PIKFYVE: variants seen among roughly 807,000 people sequenced by gnomAD.
PIKFYVE encodes the protein 1-phosphatidylinositol 3-phosphate 5-kinase.
In PIKFYVE, 122 loss-of-function variants were observed where a neutral mutation model predicts 257.9. That is an observed-to-expected ratio of 0.47 (90% CI 0.41 to 0.55). PIKFYVE has a LOEUF of 0.55. Among genes scored for constraint, PIKFYVE ranks in the 20% least tolerant of loss-of-function variants. PIKFYVE has a pLI of 0.00. For synonymous variants in PIKFYVE, 892 were observed against 868.9 expected (o/e 1.03, Z -0.47); for missense variants, 2,160 against 2,536.6 (o/e 0.85, Z 3.19).
chr2:208,354,730 A>T, intron 41 of PIKFYVE, 85 bp downstream of exon 41: 1 of 1,078,014 alleles, frequency 9.3e-7, no homozygotes, highest in South Asian at 1.3e-5. Context: ...TCTTTTTTTT[A>T]GTTGTAAAAA....
rs754540043 is a variant in PIKFYVE at position 208,339,457 on chromosome 2, C to A, written c.4712C>A (p.Thr1571Asn). 5.6e-6 allele frequency: 9 copies of A among 1,614,146 alleles called. No individual in the cohort carries two copies. The highest frequency in any genetic ancestry group is 6.8e-6 in the Non-Finnish European group (8 of 1,180,010). ...FLTTLSSQSSTSSTHLQLPTP... is the reference protein window; with the variant it reads ...FLTTLSSQSSNSSTHLQLPTP... ...ACAACTTTGTCCAGCCAGAGCTCCA[C>A]CAGTTCTACTCATCTCCAATTGCCT... Residue 1571 changes from threonine to asparagine, a missense_variant, in exon 30 of 42, where the codon ACC becomes AAC. By Grantham distance (65) the Thr-to-Asn change is moderately conservative. Around this residue, in one of 12 missense-constraint regions of PIKFYVE, gnomAD observed 699 missense variants for 855.8 expected, o/e 0.82. Transcript: ENST00000264380.
rs764722156 is a variant in PIKFYVE, at chr2:208,324,967, C to T, written c.2388C>T (p.Asp796=). The T allele has an allele frequency of 2.2e-5, 36 of 1,614,006 alleles. No homozygotes were observed. The South Asian group carries it at 3.0e-4, about 13-fold the overall frequency. Residue 796 remains aspartate, a synonymous_variant, in exon 19 of 42, where the codon GAC becomes GAT. Transcript: ENST00000264380. Reference sequence around the variant, plus strand: ...AAGGTGATTTAGTGATGTCAATGGACCAGCTGCTTACGAAACCACACCTGG... The same window carrying T: ...AAGGTGATTTAGTGATGTCAATGGATCAGCTGCTTACGAAACCACACCTGG... The part of the protein sequence containing the change: ...MTQGDLVMSM[D]QLLTKPHLGT...
intron 5 of PIKFYVE, among the ~76,000 whole-genome samples, chr2:208,279,024 G>T (rs1690466761): frequency 6.6e-6 from 1 of 152,118 alleles, no homozygotes; most frequent in Non-Finnish European, 1.5e-5. Context: ...ATTCCCATCA[G>T]CAGTGTATAA....
intron 35 of PIKFYVE, 128 bp downstream of exon 35, chr2:208,348,151 T>C (rs1240794408): frequency 1.6e-6 from 2 of 1,219,122 alleles, no homozygotes; most frequent in Non-Finnish European, 2.4e-6. Flanking sequence ...CTGTTCTCAC[T>C]TGTCAGTGTG....
intron 7 of PIKFYVE, among the ~76,000 whole-genome samples, chr2:208,294,294 T>C (rs1203289607): frequency 6.6e-6 from 1 of 152,238 alleles, no homozygotes; most frequent in African/African-American, 2.4e-5. Flanking sequence ...TCTCTCTGCT[T>C]ATATTATCTG....
chr2:208,339,221 T>G (rs775497205), intron 29 of PIKFYVE, among the ~76,000 whole-genome samples, 197 bp from the exon 30 acceptor site: 25 of 152,228 alleles, frequency 1.6e-4, no homozygotes, highest in Non-Finnish European at 2.2e-4. Context: ...AGGATTTGAT[T>G]GTAGTCAAGT....
At chr2:208,289,469 C>T (rs930929622) in intron 7 of PIKFYVE, among the ~76,000 whole-genome samples, 3 of 151,930 alleles carry the variant, frequency 2.0e-5, no homozygotes, top group Admixed American at 1.3e-4. Context: ...CTCACTCTCT[C>T]GCCAGGCTGG....
intron 18 of PIKFYVE, 123 bp downstream of exon 18, chr2:208,324,405 C>A: frequency 2.0e-6 from 2 of 1,005,014 alleles, no homozygotes; most frequent in South Asian, 1.5e-5. Flanking sequence ...GAAAGTGGGA[C>A]AGAAGATATG....
chr2:208,314,898 AG>A (rs879858889), intron 14 of PIKFYVE, among the ~76,000 whole-genome samples: 268 of 19,802 alleles, frequency 0.014, no homozygotes, highest in African/African-American at 0.018. Context: ...TTCGTCTCAG[AG>A]AAAAAAAACA....
At chr2:208,351,054 C>T (rs1281053748) in intron 37 of PIKFYVE, 107 bp downstream of exon 37, 1 of 1,414,070 alleles carries the variant, frequency 7.1e-7, no homozygotes. Context: ...ATAACTATGA[C>T]TTACTAGTTT....
chr2:208,346,896 GGTGTTGCAAGC>G, intron 34 of PIKFYVE, among the ~76,000 whole-genome samples: 1 of 152,310 alleles, frequency 6.6e-6, no homozygotes, highest in African/African-American at 2.4e-5. Flanking sequence ...TAGAAACAAG[GGTGTTGCAAGC>G]TGCCGCTGTT....
chr2:208,309,691 C>G (rs547432682), intron 12 of PIKFYVE, among the ~76,000 whole-genome samples: 1 of 152,286 alleles, frequency 6.6e-6, no homozygotes, highest in Admixed American at 6.5e-5. Context: ...GAAGGAAGAA[C>G]TAGATTCAGT....
At chr2:208,329,436 GA>G (rs1201312557) in intron 21 of PIKFYVE, among the ~76,000 whole-genome samples, 1 of 152,180 alleles carries the variant, frequency 6.6e-6, no homozygotes, top group Non-Finnish European at 1.5e-5. Flanking sequence ...TAAAAAGTTA[GA>G]AACTGGCACT....
In PIKFYVE at chr2:208,328,245, G is replaced by C. The variant is rs1318398969; in HGVS notation, c.3684G>C (p.Gln1228His). The change falls in exon 21 of 42, where the codon CAG (glutamine) becomes CAC (histidine). Residue 1228 changes from glutamine (Q) to histidine (H), a missense_variant. Around this residue, in one of 12 missense-constraint regions of PIKFYVE, gnomAD observed 522 missense variants for 514.6 expected, o/e 1.01. Transcript: ENST00000264380. ...LCVLFSSSSA[Q>H]SSNAPSACVS... is the part of the protein sequence containing the mutation. ...TGCTCTTCAGCAGCTCTTCTGCCCA[G>C]TCCAGCAATGCTCCTAGTGCCTGTG... 6.2e-7 allele frequency: 1 copy of C among 1,613,620 alleles called. No individual in the cohort carries two copies. The highest frequency in any genetic ancestry group is 8.5e-7 in the Non-Finnish European group (1 of 1,179,836).
In PIKFYVE at chr2:208,356,328, T is replaced by TAC. The variant is rs1314762300; in HGVS notation, c.*1025_*1026dup. On this transcript the variant is annotated 3_prime_UTR_variant, in exon 42 of 42. Coordinates refer to ENST00000264380, the MANE Select transcript of PIKFYVE (RefSeq NM_015040.4). ...GTGGACATCCCCTTTTCCAACTTTCTACATAATGGCTAGTTCTGACTACTA... is the reference window on the plus strand; with the variant it reads ...GTGGACATCCCCTTTTCCAACTTTCTACACATAATGGCTAGTTCTGACTACTA... 1 of 152,226 alleles carries TAC rather than the reference T, an allele frequency of 6.6e-6. No homozygotes were observed. Among genetic ancestry groups the TAC allele is most frequent in the Non-Finnish European group, 1.5e-5 (1 of 68,044 alleles). The allele number at this position is 152,226 out of a possible 1,614,324, so 9.4% of individuals were successfully genotyped here. A position where few individuals can be genotyped will look rare whatever the true frequency, so the allele number is the denominator to read the frequency against.
At chr2:208,297,362 GAAAT>G (rs1293176305) in intron 7 of PIKFYVE, among the ~76,000 whole-genome samples, 1 of 152,110 alleles carries the variant, frequency 6.6e-6, no homozygotes, top group African/African-American at 2.4e-5. Flanking sequence ...ACTATGCCAA[GAAAT>G]AAATAACCAA....
chr2:208,269,905 CT>C, intron 1 of PIKFYVE: 1 of 280,274 alleles, frequency 3.6e-6, no homozygotes, highest in Non-Finnish European at 7.3e-6. Context: ...TTGGCAGCAC[CT>C]TTGGAGATGG....
In PIKFYVE at chr2:208,277,627, CA is replaced by C. The variant is rs1690277887; in HGVS notation, c.533del (p.His178ProfsTer39). 5.0e-6 allele frequency: 8 copies of C among 1,613,814 alleles called. No homozygotes were observed. The highest frequency in any genetic ancestry group is 6.8e-6 in the Non-Finnish European group (8 of 1,179,830). On this transcript the variant is annotated frameshift_variant, in exon 5 of 42. Coordinates refer to ENST00000264380, the MANE Select transcript of PIKFYVE (RefSeq NM_015040.4). LOFTEE classifies it high-confidence loss of function. ...GAAATTTACAACCTTTAGGCGCAGA[CA>C]CCATTGCCGACTATGTGGGCAGATT... is the stretch of plus-strand genomic sequence containing the variant. ...SEKFTTFRRR[H>X]HCRLCGQIFC...
At chr2:208,313,531 G>T (rs749305394) in intron 13 of PIKFYVE, among the ~76,000 whole-genome samples, 1 of 149,126 alleles carries the variant, frequency 6.7e-6, no homozygotes, top group Non-Finnish European at 1.5e-5. Context: ...GCTATCATGT[G>T]TTCTTTTGCC....
Sources: gnomAD v4.1 joint callset for allele counts (sites outside exome capture counted in the v4.1 genomes callset) on GRCh38, gnomAD v4.1.1 for gene constraint, gnomAD v4.1.1 regional missense constraint, MANE v1.5 for transcripts, NCBI Gene and HGNC (gene_info 2026-07-23, HGNC 2026-07-21) for gene names.